The following ABCB5 variants were observed in gnomAD, a reference collection of about 807,000 sequenced individuals.
ABCB5 encodes the protein ATP-binding cassette sub-family B member 5.
A neutral mutation model predicts 144.2 loss-of-function variants in ABCB5; 155 were observed. That is an observed-to-expected ratio of 1.08 (90% CI 0.94 to 1.23). The LOEUF (loss-of-function observed/expected upper bound fraction) is 1.23. Among genes scored for constraint, ABCB5 ranks in the 50% most tolerant of loss-of-function variants. The probability of loss-of-function intolerance (pLI) is 0.00; values close to 1 mark genes in which losing one functional copy is unlikely to be tolerated. For synonymous variants in ABCB5, 610 were observed against 528.6 expected, an observed-to-expected ratio of 1.15 and a Z score of -2.11; for missense variants, 1,830 against 1,520.8, an observed-to-expected ratio of 1.20 and a Z score of -3.38.
chr7:20,634,238 T>TG (rs1784102343), intron 5 of ABCB5, among the ~76,000 whole-genome samples: 12 of 140,448 alleles, frequency 8.5e-5, no homozygotes, highest in African/African-American at 2.7e-4. Context: ...GTATTCCATG[T>TG]TGTGTGTGTG....
rs1784465883 is a variant in ABCB5 at position 20,648,065 on chromosome 7, G to C, written c.1193G>C (p.Arg398Thr). The change falls in exon 11 of 28, where the codon AGA (arginine) becomes ACA (threonine). Residue 398 changes from arginine (R) to threonine (T), a missense_variant. By Grantham distance (71) the Arg-to-Thr change is moderately conservative. Coordinates refer to ENST00000404938, the MANE Select transcript of ABCB5 (RefSeq NM_001163941.2). ...FKNVSFNYPS[R>T]PSIKILKGLN... ...AATGTTTCTTTCAATTATCCATCAA[G>C]ACCATCTATCAAGGTAGGTTAAAAC... 1 of 1,593,732 alleles carries C rather than the reference G, an allele frequency of 6.3e-7. No homozygotes were observed. The highest frequency in any genetic ancestry group is 1.7e-5 in the Admixed American group (1 of 59,656).
Position 20,643,204 on chromosome 7 carries a change from G to C in ABCB5, c.335G>C (p.Gly112Ala). 6.2e-7 allele frequency: 1 copy of C among 1,611,898 alleles called. No homozygotes were observed. The highest frequency in any genetic ancestry group is 8.5e-7 in the Non-Finnish European group (1 of 1,178,704). ...TTCAGGTTGACCCTGTATTATGTTG[G>C]AATAGGTGTTGCTGCCTTGATTTTT... ...DMTLLTLYYV[G>A]IGVAALIFGY... The change falls in exon 6 of 28, where the codon GGA (glycine) becomes GCA (alanine). Residue 112 changes from glycine to alanine, a missense_variant. Transcript: ENST00000404938.
intron 22 of ABCB5, among the ~76,000 whole-genome samples, chr7:20,727,771 T>C (rs1429648705): frequency 6.6e-6 from 1 of 152,200 alleles, no homozygotes; most frequent in Non-Finnish European, 1.5e-5. Context: ...CTAAAATAGT[T>C]TACATTTTAA....
chr7:20,651,245 C>A (rs1285207277), intron 12 of ABCB5, among the ~76,000 whole-genome samples, 175 bp from the exon 13 acceptor site: 1 of 152,130 alleles, frequency 6.6e-6, no homozygotes, highest in African/African-American at 2.4e-5. Context: ...TGGTGCCCAT[C>A]TACCAGAAAA....
At chr7:20,722,904 G>C in intron 20 of ABCB5, 112 bp from the exon 21 acceptor site, 1 of 776,678 alleles carries the variant, frequency 1.3e-6, no homozygotes, top group Non-Finnish European at 2.1e-6. Flanking sequence ...ATAAATTTAA[G>C]TATAAATTCT....
intron 14 of ABCB5, among the ~76,000 whole-genome samples, chr7:20,663,556 T>C (rs1457588073): frequency 1.3e-5 from 2 of 152,054 alleles, no homozygotes; most frequent in Admixed American, 1.3e-4. Context: ...AGATGGAAAG[T>C]AGAAGAGCGG....
At chr7:20,676,003 AAAAT>A (rs141279531) in intron 14 of ABCB5, among the ~76,000 whole-genome samples, 9,602 of 152,086 alleles carry the variant, frequency 0.063, 400 homozygotes, top group Non-Finnish European at 0.093. Context: ...CTATTGTTAA[AAAAT>A]AAATAAATAA....
rs188879767 is a variant in ABCB5, at chr7:20,654,567, A to G, written c.1536+2944A>G. ...ATACATTCTCAAGTGCACACGCAAC[A>G]TTCTCTAAAATAAACAATATTCTGG... is the stretch of plus-strand genomic sequence containing the variant. On this transcript the variant is annotated intron_variant, in intron 13 of 27. Transcript: ENST00000404938. 3.0e-3 allele frequency among the ~76,000 whole-genome samples: 460 copies of G among 152,332 alleles called. 11 individuals are homozygous for G. Among genetic ancestry groups the G allele is most frequent in the Admixed American group, 0.028 (423 of 15,300 alleles).
chr7:20,689,096 C>T (rs1184850571), intron 16 of ABCB5, among the ~76,000 whole-genome samples: 1 of 151,848 alleles, frequency 6.6e-6, no homozygotes, highest in Non-Finnish European at 1.5e-5. Flanking sequence ...TGCACATGTA[C>T]CCTAGAACTT....
At chr7:20,641,989 G>C (rs1185792695) in intron 5 of ABCB5, 4 of 152,086 alleles carry the variant, frequency 2.6e-5, no homozygotes, top group African/African-American at 9.7e-5. Flanking sequence ...TTTCATGTAG[G>C]CCGCCATGAT....
intron 10 of ABCB5, 23 bp from the exon 11 acceptor site, chr7:20,647,945 A>T (rs762905583): frequency 7.0e-7 from 1 of 1,429,784 alleles, no homozygotes; most frequent in Non-Finnish European, 9.9e-7. Flanking sequence ...GAAGATTTAT[A>T]ACATTTCCTT....
intron 26 of ABCB5, among the ~76,000 whole-genome samples, chr7:20,751,388 G>A (rs563106231): frequency 3.3e-5 from 5 of 152,176 alleles, no homozygotes; most frequent in Non-Finnish European, 5.9e-5. Context: ...GGAGAATGGC[G>A]TGAACCCGGG....
At chr7:20,635,577 A>AT (rs1784140209) in intron 5 of ABCB5, among the ~76,000 whole-genome samples, 1 of 146,140 alleles carries the variant, frequency 6.8e-6, no homozygotes, top group African/African-American at 2.5e-5. Flanking sequence ...ATCATCTGCA[A>AT]TTCCTCTCAT....
intron 20 of ABCB5, among the ~76,000 whole-genome samples, chr7:20,721,487 T>C (rs1781866795): frequency 6.6e-6 from 1 of 152,182 alleles, no homozygotes; most frequent in African/African-American, 2.4e-5. Flanking sequence ...GAATTATGGT[T>C]ACTATTTATT....
intron 16 of ABCB5, among the ~76,000 whole-genome samples, chr7:20,696,487 G>A (rs1786419422): frequency 1.3e-5 from 2 of 151,986 alleles, no homozygotes; most frequent in South Asian, 4.1e-4. Flanking sequence ...TAGGGGTAAT[G>A]GATATGTTTA....
chr7:20,720,410 A>G (rs1354763378), intron 20 of ABCB5, among the ~76,000 whole-genome samples: 1 of 152,226 alleles, frequency 6.6e-6, no homozygotes, highest in East Asian at 1.9e-4. Context: ...ACAACTTCAT[A>G]GCGGAGAAAC....
At chr7:20,637,513 C>T (rs1407680505) in intron 5 of ABCB5, among the ~76,000 whole-genome samples, 6 of 151,736 alleles carry the variant, frequency 4.0e-5, no homozygotes, top group South Asian at 2.1e-4. Flanking sequence ...CTCTGCCTCC[C>T]GGGTTCAAGA....
In ABCB5 at chr7:20,723,121, A is replaced by G; in HGVS notation, c.2527A>G (p.Ser843Gly). The change falls in exon 21 of 28, where the codon AGT (serine) becomes GGT (glycine). Residue 843 changes from serine (S) to glycine (G), a missense_variant. Physicochemically the swap from Ser to Gly is moderately conservative, Grantham distance 56. Transcript: ENST00000404938. ...ATGGGAGATGACATTCCTGATTCTG[A>G]GTATTGCTCCAGTACTTGCCGTGAC... ...YGWEMTFLILSIAPVLAVTGM... is the reference protein window; with the variant it reads ...YGWEMTFLILGIAPVLAVTGM... 6.2e-7 allele frequency: 1 copy of G among 1,614,162 alleles called. No homozygotes were observed. The highest frequency in any genetic ancestry group is 1.1e-5 in the South Asian group (1 of 91,084).
intron 20 of ABCB5, among the ~76,000 whole-genome samples, chr7:20,715,336 G>T (rs10429254): frequency 6.6e-6 from 1 of 151,658 alleles, no homozygotes. Context: ...GTGAGCCGCC[G>T]CGCATGGCCT....
Sources: allele counts gnomAD v4.1 joint callset (sites outside exome capture counted in the v4.1 genomes callset), GRCh38; gene constraint gnomAD v4.1.1; transcripts MANE v1.5; gene names NCBI Gene and HGNC (gene_info 2026-07-23, HGNC 2026-07-21).